FKTN: variants seen among roughly 807,000 people sequenced by gnomAD.
FKTN encodes ribitol-5-phosphate transferase FKTN.
In FKTN, 47 loss-of-function variants were observed where a neutral mutation model predicts 58.6. The observed-to-expected ratio is 0.80, with a 90% CI of 0.63 to 1.02. FKTN has a LOEUF of 1.02. Among genes scored for constraint, FKTN ranks in the 50% least tolerant of loss-of-function variants. The pLI is 0.00. For missense variants in FKTN, 516 were observed against 537.3 expected, an observed-to-expected ratio of 0.96 and a Z score of 0.39; for synonymous variants, 178 against 191.9, an observed-to-expected ratio of 0.93 and a Z score of 0.60.
chr9:105,609,383 A>G (rs1306266067), intron 7 of FKTN, among the ~76,000 whole-genome samples: 3 of 152,114 alleles, frequency 2.0e-5, no homozygotes, highest in Non-Finnish European at 4.4e-5. Context: ...GATGTTGACC[A>G]CAACTTCAAA....
At chr9:105,582,744 G>T (rs950737619) in intron 3 of FKTN, among the ~76,000 whole-genome samples, 43 of 152,056 alleles carry the variant, frequency 2.8e-4, no homozygotes, top group African/African-American at 1.0e-3. Flanking sequence ...AGAAATTCTA[G>T]ATCTAATATG....
intron 10 of FKTN, among the ~76,000 whole-genome samples, chr9:105,620,817 G>GTAGTAGTAA (rs1188483734): frequency 2.7e-4 from 40 of 150,598 alleles, no homozygotes; most frequent in African/African-American, 9.8e-4. Flanking sequence ...AGTAGTAGTA[G>GTAGTAGTAA]TAGTAAAGAA....
intron 6 of FKTN, 145 bp from the exon 7 acceptor site, chr9:105,607,674 A>G: frequency 4.6e-6 from 3 of 649,072 alleles, no homozygotes; most frequent in Non-Finnish European, 8.5e-6. Flanking sequence ...TTTGTTACAT[A>G]GGTATACATG....
intron 1 of FKTN, among the ~76,000 whole-genome samples, chr9:105,564,053 C>T (rs1488099986): frequency 6.7e-6 from 1 of 149,620 alleles, no homozygotes; most frequent in Non-Finnish European, 1.5e-5. Context: ...TGGAGTGGAC[C>T]TCCAGCAAAC....
intron 3 of FKTN, among the ~76,000 whole-genome samples, chr9:105,582,055 C>CG (rs1843066047): frequency 6.6e-6 from 1 of 152,126 alleles, no homozygotes; most frequent in African/African-American, 2.4e-5. Flanking sequence ...CACTAGCCTG[C>CG]GCCCACTGTC....
At chr9:105,563,225 C>T (rs920174999) in intron 1 of FKTN, among the ~76,000 whole-genome samples, 6 of 152,168 alleles carry the variant, frequency 3.9e-5, no homozygotes, top group African/African-American at 9.7e-5. Context: ...CCAGCGTGAG[C>T]GACGCAGAAG....
chr9:105,640,351 G>A lies in FKTN; in HGVS notation c.*5087G>A. On this transcript the variant is annotated 3_prime_UTR_variant, in exon 11 of 11. Transcript: ENST00000357998. ...GGATCACTTGAGGCCAGGAGTTCGA[G>A]ACCAGCCTGGCCAACATAGTGAAAC... is the stretch of plus-strand genomic sequence containing the variant. 1 of 471,016 alleles carries A rather than the reference G, an allele frequency of 2.1e-6. No homozygotes were observed. Among genetic ancestry groups the A allele is most frequent in the Non-Finnish European group, 3.6e-6 (1 of 274,442 alleles). 29.2% of individuals were successfully genotyped at this position (471,016 alleles called of 1,614,324 possible). A position where few individuals can be genotyped will look rare whatever the true frequency, so the allele number is the denominator to read the frequency against.
chr9:105,562,391 G>A (rs1413821563), intron 1 of FKTN, among the ~76,000 whole-genome samples: 1 of 152,220 alleles, frequency 6.6e-6, no homozygotes, highest in African/African-American at 2.4e-5. Context: ...CTCTGGGTGG[G>A]GAGCCACGTG....
chr9:105,608,661 G>A (rs757215816), intron 7 of FKTN, among the ~76,000 whole-genome samples: 19 of 152,296 alleles, frequency 1.2e-4, no homozygotes, highest in African/African-American at 2.4e-4. Context: ...CTGTGTCCAC[G>A]AGGGATACGA....
At position 105,591,394 on chromosome 9, in the gene FKTN, C is replaced by T. The variant is rs1024498252; in HGVS notation, c.106-5204C>T. ...TGGGGGTATAGTCATTGGGTAAATA[C>T]TCCTGTTCCAAAAGGGAGAAATTGG... On this transcript the variant is annotated intron_variant, in intron 3 of 10. Transcript: ENST00000357998. Among the ~76,000 whole-genome samples the T allele has an allele frequency of 3.9e-5, 6 of 152,354 alleles. No homozygotes were observed. In the Middle Eastern group the frequency reaches 0.01, roughly 259 times the overall value.
chr9:105,640,340 C>T lies in FKTN; in HGVS notation c.*5076C>T, dbSNP rs1346346281. 5.8e-6 allele frequency: 3 copies of T among 519,080 alleles called. No homozygotes were observed. The highest frequency in any genetic ancestry group is 9.6e-6 in the Non-Finnish European group (3 of 311,580). 32.2% of individuals were successfully genotyped at this position (519,080 alleles called of 1,614,324 possible). On this transcript the variant is annotated 3_prime_UTR_variant, in exon 11 of 11. Coordinates refer to ENST00000357998, the MANE Select transcript of FKTN (RefSeq NM_001079802.2). Reference sequence around the variant, plus strand: ...CTAAGGCAGGTGGATCACTTGAGGCCAGGAGTTCGAGACCAGCCTGGCCAA... The same window carrying T: ...CTAAGGCAGGTGGATCACTTGAGGCTAGGAGTTCGAGACCAGCCTGGCCAA...
intron 3 of FKTN, among the ~76,000 whole-genome samples, chr9:105,594,965 C>G (rs1287309149): frequency 1.3e-5 from 2 of 152,062 alleles, no homozygotes. Flanking sequence ...AAATGTTCAT[C>G]AACTAATGAA....
chr9:105,630,118 T>C (rs1833224241), intron 10 of FKTN, among the ~76,000 whole-genome samples: 1 of 151,946 alleles, frequency 6.6e-6, no homozygotes, highest in South Asian at 2.1e-4. Context: ...AGTTAATGGG[T>C]GCAGCACACC....
At chr9:105,627,250 G>C (rs1358955171) in intron 10 of FKTN, among the ~76,000 whole-genome samples, 3 of 152,072 alleles carry the variant, frequency 2.0e-5, no homozygotes, top group African/African-American at 7.2e-5. Flanking sequence ...TGGAATACAG[G>C]CATGAGCTGC....
rs1269201232 is a variant in FKTN at position 105,603,623 on chromosome 9, A to G, written c.370-592A>G. ...TAGAAACTAACTGGAAAACACTAAC[A>G]TGAGCATTCTCATTCCAAGGAAGGG... On this transcript the variant is annotated intron_variant, in intron 5 of 10. Coordinates refer to ENST00000357998, the MANE Select transcript of FKTN (RefSeq NM_001079802.2). 3.3e-5 allele frequency: 5 copies of G among 152,884 alleles called. No homozygotes were observed. The East Asian group carries it at 5.8e-4, about 18-fold the overall frequency. The allele number at this position is 152,884 out of a possible 1,614,324, so 9.5% of individuals were successfully genotyped here.
At chr9:105,608,970 G>A (rs1000747064) in intron 7 of FKTN, among the ~76,000 whole-genome samples, 6 of 152,328 alleles carry the variant, frequency 3.9e-5, no homozygotes, top group Admixed American at 2.0e-4. Context: ...CGCTCTTCCT[G>A]TCCTAAGGGA....
Position 105,615,025 on chromosome 9 carries a change from AG to A in FKTN, c.781-251del, listed in dbSNP as rs11300525. Among the ~76,000 whole-genome samples the A allele has an allele frequency of 0.13, 19,183 of 151,936 alleles. 1,575 individuals carry two copies. Among genetic ancestry groups the A allele is most frequent in the East Asian group, 0.46 (2,350 of 5,138 alleles). ...CAACCTCTCGAGTAGCTGGAACTATAGGCGCGGGCCACCACTCTCAGCTAAT... is the reference window on the plus strand; with the variant it reads ...CAACCTCTCGAGTAGCTGGAACTATAGCGCGGGCCACCACTCTCAGCTAAT... On this transcript the variant is annotated intron_variant, in intron 7 of 10. Transcript: ENST00000357998.
intron 1 of FKTN, among the ~76,000 whole-genome samples, chr9:105,563,760 T>A (rs537882973): frequency 1.4e-4 from 22 of 152,302 alleles, no homozygotes; most frequent in African/African-American, 5.3e-4. Context: ...AGCAGAAACC[T>A]CTGCAGACTT....
chr9:105,635,556 C>G lies in FKTN; in HGVS notation c.*292C>G. The stretch of plus-strand genomic sequence containing the variant: ...TCAATTTTCCTTTGAGGGAACCCTC[C>G]CCCACCCTTTGAAGAGTTCAAGTTC... On this transcript the variant is annotated 3_prime_UTR_variant, in exon 11 of 11. Coordinates refer to ENST00000357998, the MANE Select transcript of FKTN (RefSeq NM_001079802.2). The G allele has an allele frequency of 3.9e-6, 5 of 1,282,912 alleles. No individual in the cohort carries two copies. The highest frequency in any genetic ancestry group is 4.0e-6 in the Non-Finnish European group (4 of 1,006,616). 79.5% of individuals were successfully genotyped at this position (1,282,912 alleles called of 1,614,324 possible).
Sources: allele counts gnomAD v4.1 joint callset (sites outside exome capture counted in the v4.1 genomes callset), GRCh38; gene constraint gnomAD v4.1.1; transcripts MANE v1.5; gene names NCBI Gene and HGNC (gene_info 2026-07-23, HGNC 2026-07-21).